The following AGBL1 variants were observed in gnomAD, a reference collection of about 807,000 sequenced individuals.
The protein encoded by AGBL1 is AGBL carboxypeptidase 1, also known as cytosolic carboxypeptidase 4.
Under a neutral mutation model 118.9 loss-of-function variants are expected in AGBL1, and 130 were observed. The observed-to-expected ratio is 1.09, with a 90% CI of 0.95 to 1.26. AGBL1 has a LOEUF of 1.26. Ranked by LOEUF, AGBL1 falls within the 50% of genes most tolerant of loss-of-function variation. The pLI, the probability that AGBL1 is intolerant of heterozygous loss-of-function variation, is 0.00. For missense variants in AGBL1, 1,584 were observed against 1,298.1 expected (o/e 1.22, Z -3.38); for synonymous variants, 555 against 478.9 (o/e 1.16, Z -2.08).
intron 18 of AGBL1, among the ~76,000 whole-genome samples, chr15:86,447,408 TGA>T (rs1240468040): frequency 5.3e-5 from 8 of 152,180 alleles, no homozygotes; most frequent in Admixed American, 4.6e-4. Flanking sequence ...ATGTGTAGCC[TGA>T]GAATGAAGCT....
At chr15:86,176,046 T>C (rs1208105276) in intron 5 of AGBL1, among the ~76,000 whole-genome samples, 1 of 152,226 alleles carries the variant, frequency 6.6e-6, no homozygotes, top group Non-Finnish European at 1.5e-5. Context: ...GCTGATTTTC[T>C]GTCTAGATTA....
intron 23 of AGBL1, among the ~76,000 whole-genome samples, chr15:86,982,541 C>G (rs2141723966): frequency 6.6e-6 from 1 of 152,026 alleles, no homozygotes; most frequent in East Asian, 1.9e-4. Flanking sequence ...TCTGCCTTTT[C>G]TTCTACCTCC....
intron 5 of AGBL1, among the ~76,000 whole-genome samples, chr15:86,159,372 T>G (rs565829851): frequency 2.0e-5 from 3 of 152,186 alleles, no homozygotes; most frequent in Non-Finnish European, 4.4e-5. Context: ...TCTTTTTGCC[T>G]GAAGCCCTCA....
rs534991668 is a variant in AGBL1, at chr15:86,465,087, G to A, written c.2556-57723G>A. Among the ~76,000 whole-genome samples the A allele has an allele frequency of 8.5e-5, 13 of 152,162 alleles. No homozygotes were observed. The South Asian group carries it at 1.5e-3, about 17-fold the overall frequency. ...TTGTGGGAAGTCAGGGAATCCGAACGGAGGGACCAGCTGAAGCCATGGCAG... is the reference window on the plus strand; with the variant it reads ...TTGTGGGAAGTCAGGGAATCCGAACAGAGGGACCAGCTGAAGCCATGGCAG... On this transcript the variant is annotated intron_variant, in intron 18 of 22. Coordinates refer to ENST00000614907, the MANE Select transcript of AGBL1 (RefSeq NM_001386094.1).
chr15:86,593,276 C>T (rs551178753), intron 21 of AGBL1, among the ~76,000 whole-genome samples: 156 of 148,030 alleles, frequency 1.1e-3, no homozygotes, highest in African/African-American at 3.6e-3. Flanking sequence ...GGAATCAGCT[C>T]TTGTCCCAAG....
In AGBL1 at chr15:86,969,432, G is replaced by A. The variant is rs554698611; in HGVS notation, c.3222-18555G>A. Among the ~76,000 whole-genome samples the A allele has an allele frequency of 9.9e-5, 15 of 152,108 alleles. No individual in the cohort carries two copies. In the South Asian group the frequency reaches 2.5e-3, roughly 25 times the overall value. ...ACAAGAAAACGAAGCACAGGAAGTG[G>A]AACACCTTAAGTCTCTGCCATGTCC... On this transcript the variant is annotated intron_variant, in intron 23 of 24. Coordinates refer to the AGBL1 transcript ENST00000441037.
chr15:86,376,449 G>T (rs1282528823), intron 17 of AGBL1, among the ~76,000 whole-genome samples: 2 of 152,234 alleles, frequency 1.3e-5, no homozygotes, highest in African/African-American at 4.8e-5. Context: ...AGAAAGAGAT[G>T]CATAGGACAG....
At chr15:86,530,586 A>T (rs948179580) in intron 19 of AGBL1, among the ~76,000 whole-genome samples, 1 of 150,078 alleles carries the variant, frequency 6.7e-6, no homozygotes, top group African/African-American at 2.5e-5. Flanking sequence ...CAGGAATTGA[A>T]CTCAGCTCTG....
intron 23 of AGBL1, among the ~76,000 whole-genome samples, chr15:86,946,858 A>T (rs1271270388): frequency 2.7e-5 from 4 of 150,828 alleles, no homozygotes; most frequent in Non-Finnish European, 5.9e-5. Flanking sequence ...AAAAAAAAAA[A>T]AAACAAAATA....
At chr15:87,007,961 G>C (rs1249339856) in intron 24 of AGBL1, among the ~76,000 whole-genome samples, 1 of 152,166 alleles carries the variant, frequency 6.6e-6, no homozygotes, top group African/African-American at 2.4e-5. Context: ...GAGAAATAAT[G>C]GAAGTCATAA....
intron 21 of AGBL1, among the ~76,000 whole-genome samples, chr15:86,642,752 A>G (rs995880582): frequency 4.6e-5 from 7 of 152,044 alleles, no homozygotes; most frequent in African/African-American, 1.4e-4. Flanking sequence ...TTTCACATCT[A>G]TGTTCGCAAT....
chr15:86,478,472 G>A (rs1198954821), intron 18 of AGBL1, among the ~76,000 whole-genome samples: 1 of 152,064 alleles, frequency 6.6e-6, no homozygotes, highest in South Asian at 2.1e-4. Flanking sequence ...TGAGTGAACT[G>A]CCATTCACAA....
intron 18 of AGBL1, among the ~76,000 whole-genome samples, chr15:86,470,751 T>C (rs1462014617): frequency 1.3e-5 from 2 of 152,118 alleles, no homozygotes; most frequent in African/African-American, 4.8e-5. Flanking sequence ...ATCTTTCAGC[T>C]CAGTTAAATG....
chr15:86,594,242 G>A (rs189123301), intron 21 of AGBL1, among the ~76,000 whole-genome samples: 257 of 152,056 alleles, frequency 1.7e-3, no homozygotes, highest in Middle Eastern at 3.4e-3. Context: ...CTTGCATCCC[G>A]GGGATAAAAC....
intron 22 of AGBL1, among the ~76,000 whole-genome samples, chr15:86,703,347 G>A (rs1049979731): frequency 3.9e-5 from 6 of 152,128 alleles, no homozygotes; most frequent in East Asian, 3.9e-4. Context: ...GCCATATGGC[G>A]TGACTTTAAC....
chr15:86,371,727 T>C (rs901630482), intron 17 of AGBL1, among the ~76,000 whole-genome samples: 3 of 152,222 alleles, frequency 2.0e-5, no homozygotes, highest in Middle Eastern at 6.8e-3. Flanking sequence ...TTTCCCTTCA[T>C]AGAAAATATT....
intron 18 of AGBL1, among the ~76,000 whole-genome samples, chr15:86,481,696 T>C (rs1214627357): frequency 2.0e-5 from 3 of 152,144 alleles, no homozygotes; most frequent in Non-Finnish European, 2.9e-5. Context: ...TATTAATTCC[T>C]ATAATGGAAT....
At chr15:86,602,231 T>A (rs2084507707) in intron 21 of AGBL1, among the ~76,000 whole-genome samples, 2 of 152,168 alleles carry the variant, frequency 1.3e-5, no homozygotes, top group South Asian at 4.1e-4. Context: ...ATTCATCACA[T>A]GTTGTATGGT....
At chr15:86,413,971 A>C (rs1032360972) in intron 18 of AGBL1, among the ~76,000 whole-genome samples, 1 of 152,212 alleles carries the variant, frequency 6.6e-6, no homozygotes, top group African/African-American at 2.4e-5. Flanking sequence ...GTATAAGTAC[A>C]CAATGGAATA....
Sources: gnomAD v4.1 joint callset for allele counts (sites outside exome capture counted in the v4.1 genomes callset) on GRCh38, gnomAD v4.1.1 for gene constraint, MANE v1.5 for transcripts, NCBI Gene and HGNC (gene_info 2026-07-23, HGNC 2026-07-21) for gene names.